GPC6: variants seen among roughly 807,000 people sequenced by gnomAD.
GPC6 encodes glypican-6.
Under a neutral mutation model 55.2 loss-of-function variants are expected in GPC6, and 14 were observed. The observed-to-expected ratio is 0.25, with a 90% CI of 0.17 to 0.40. GPC6 has a LOEUF of 0.40. Ranked by LOEUF, GPC6 falls within the 10% of genes least tolerant of loss-of-function variation. The pLI, the probability that GPC6 is intolerant of heterozygous loss-of-function variation, is 1.00. For missense variants in GPC6, 641 were observed against 708.5 expected, an observed-to-expected ratio of 0.90 and a Z score of 1.08; for synonymous variants, 278 against 259.6, an observed-to-expected ratio of 1.07 and a Z score of -0.68.
At chr13:94,029,706 A>G (rs540944034) in intron 4 of GPC6, among the ~76,000 whole-genome samples, 1 of 152,206 alleles carries the variant, frequency 6.6e-6, no homozygotes, top group Non-Finnish European at 1.5e-5. Context: ...TTTGTTACTT[A>G]GAGCAGGACA....
intron 3 of GPC6, among the ~76,000 whole-genome samples, chr13:93,934,976 A>G (rs1878357986): frequency 6.6e-6 from 1 of 152,232 alleles, no homozygotes; most frequent in Non-Finnish European, 1.5e-5. Context: ...AGCACTTATC[A>G]GTATTTCATT....
chr13:94,005,482 C>A (rs1468958473), intron 3 of GPC6, among the ~76,000 whole-genome samples: 5 of 152,188 alleles, frequency 3.3e-5, no homozygotes, highest in African/African-American at 7.2e-5. Flanking sequence ...AGGTACAACA[C>A]AGAGTCCCTA....
intron 6 of GPC6, among the ~76,000 whole-genome samples, chr13:94,338,327 A>C (rs1161583169): frequency 6.6e-6 from 1 of 152,178 alleles, no homozygotes; most frequent in Admixed American, 6.5e-5. Context: ...GCAAATGGGG[A>C]CAGAGAACCC....
chr13:93,497,343 G>A (rs1316043599), intron 1 of GPC6, among the ~76,000 whole-genome samples: 1 of 152,122 alleles, frequency 6.6e-6, no homozygotes, highest in Non-Finnish European at 1.5e-5. Context: ...CTTAGCTCAG[G>A]GAGCAGCCAG....
At chr13:93,906,511 A>T (rs1876678810) in intron 3 of GPC6, among the ~76,000 whole-genome samples, 1 of 152,186 alleles carries the variant, frequency 6.6e-6, no homozygotes, top group Admixed American at 6.5e-5. Flanking sequence ...TACCACTAAG[A>T]TTATCATTAT....
rs139034983 is a variant in GPC6, at chr13:93,399,846, G to A, written c.161-145417G>A. ...TTTGTCCAAAAATGTGTGGATCTCTGTCTTTTGCAGAGGACTGCATGTGTG... is the reference window on the plus strand; with the variant it reads ...TTTGTCCAAAAATGTGTGGATCTCTATCTTTTGCAGAGGACTGCATGTGTG... On this transcript the variant is annotated intron_variant, in intron 1 of 8. Coordinates refer to ENST00000377047, the MANE Select transcript of GPC6 (RefSeq NM_005708.5). 2.0e-3 allele frequency among the ~76,000 whole-genome samples: 306 copies of A among 152,298 alleles called. 1 individual carries two copies. Among genetic ancestry groups the A allele is most frequent in the African/African-American group, 6.7e-3 (278 of 41,558 alleles).
At chr13:93,439,492 G>A (rs141266285) in intron 1 of GPC6, among the ~76,000 whole-genome samples, 1,889 of 151,978 alleles carry the variant, frequency 0.012, 15 homozygotes, top group Non-Finnish European at 0.016. Context: ...CTCTTCTGCC[G>A]TGATTGTGAG....
chr13:93,866,533 C>T (rs1022755093), intron 3 of GPC6, among the ~76,000 whole-genome samples: 3 of 151,712 alleles, frequency 2.0e-5, no homozygotes, highest in African/African-American at 7.3e-5. Context: ...GAATACTGTG[C>T]AGCCATAAAA....
chr13:93,645,628 C>G (rs984314039), intron 2 of GPC6, among the ~76,000 whole-genome samples: 8 of 152,094 alleles, frequency 5.3e-5, no homozygotes, highest in African/African-American at 1.9e-4. Context: ...GAAGTCCTCA[C>G]GTTTTGTCGA....
chr13:94,278,196 C>A (rs1259277993), intron 4 of GPC6, among the ~76,000 whole-genome samples: 1 of 152,120 alleles, frequency 6.6e-6, no homozygotes, highest in Non-Finnish European at 1.5e-5. Flanking sequence ...CTCTTTGTAG[C>A]AATTGTCAAT....
intron 1 of GPC6, among the ~76,000 whole-genome samples, chr13:93,402,937 G>A (rs189701876): frequency 2.1e-4 from 32 of 151,994 alleles, no homozygotes; most frequent in African/African-American, 6.5e-4. Context: ...AAAAATCATC[G>A]CTTTGAGATA....
intron 6 of GPC6, among the ~76,000 whole-genome samples, chr13:94,337,017 A>G (rs529120710): frequency 6.6e-5 from 10 of 152,320 alleles, no homozygotes; most frequent in African/African-American, 2.4e-4. Flanking sequence ...GTCTACCACT[A>G]GAAAGGAGAT....
chr13:94,222,370 C>A (rs1594072410), intron 4 of GPC6, among the ~76,000 whole-genome samples: 1 of 152,030 alleles, frequency 6.6e-6, no homozygotes, highest in Admixed American at 6.6e-5. Context: ...AAGCAAAGAT[C>A]CAAGGATTTG....
intron 2 of GPC6, among the ~76,000 whole-genome samples, chr13:93,649,298 A>G (rs1256568672): frequency 1.3e-5 from 2 of 152,108 alleles, no homozygotes; most frequent in Non-Finnish European, 2.9e-5. Flanking sequence ...AAAAATTTAA[A>G]AACATTAGCC....
At chr13:94,038,455 G>A (rs1416899914) in intron 4 of GPC6, among the ~76,000 whole-genome samples, 1 of 151,876 alleles carries the variant, frequency 6.6e-6, no homozygotes, top group Non-Finnish European at 1.5e-5. Context: ...AAAGAGATGA[G>A]ATGTGTGCTT....
intron 3 of GPC6, among the ~76,000 whole-genome samples, chr13:93,872,251 T>C (rs1374933607): frequency 2.6e-5 from 4 of 152,000 alleles, no homozygotes; most frequent in African/African-American, 9.7e-5. Context: ...AAAACACTTA[T>C]GAACAGAAAC....
intron 2 of GPC6, among the ~76,000 whole-genome samples, chr13:93,719,021 C>G (rs1030532178): frequency 2.6e-5 from 4 of 152,004 alleles, no homozygotes; most frequent in African/African-American, 9.7e-5. Flanking sequence ...TAGCATGATG[C>G]CTCCAGCTCT....
At chr13:94,372,641 G>A (rs747210949) in intron 6 of GPC6, among the ~76,000 whole-genome samples, 4,636 of 152,186 alleles carry the variant, frequency 0.03, 114 homozygotes, top group African/African-American at 0.068. Flanking sequence ...TGGGGGAGGG[G>A]CGCCCGCCAT....
intron 2 of GPC6, among the ~76,000 whole-genome samples, chr13:93,710,313 T>G (rs909262937): frequency 6.6e-6 from 1 of 151,846 alleles, no homozygotes; most frequent in Non-Finnish European, 1.5e-5. Context: ...ATCTGTCATT[T>G]AAAAGGTAGC....
Sources: allele counts gnomAD v4.1 joint callset (sites outside exome capture counted in the v4.1 genomes callset), GRCh38; gene constraint gnomAD v4.1.1; transcripts MANE v1.5; gene names NCBI Gene and HGNC (gene_info 2026-07-23, HGNC 2026-07-21).